SH3TC2: variants seen among roughly 807,000 people sequenced by gnomAD.
SH3TC2 encodes the protein SH3 domain and tetratricopeptide repeat-containing protein 2.
In SH3TC2, 87 loss-of-function variants were observed where a neutral mutation model predicts 124.5. That is an observed-to-expected ratio of 0.70 (90% confidence interval 0.59 to 0.84). The LOEUF (loss-of-function observed/expected upper bound fraction) is 0.84, where lower values mean the gene tolerates loss of function less well. Among genes scored for constraint, SH3TC2 ranks in the 40% least tolerant of loss-of-function variants. The probability of loss-of-function intolerance (pLI) is 0.00; values close to 1 mark genes in which losing one functional copy is unlikely to be tolerated. For synonymous variants in SH3TC2, 634 were observed against 628.5 expected, an observed-to-expected ratio of 1.01 and a Z score of -0.13; for missense variants, 1,536 against 1,566.4, an observed-to-expected ratio of 0.98 and a Z score of 0.33.
intron 9 of SH3TC2, among the ~76,000 whole-genome samples, chr5:149,030,365 C>T (rs2127398275): frequency 6.6e-6 from 1 of 152,370 alleles, no homozygotes; most frequent in South Asian, 2.1e-4. Context: ...CGCAGAGCTG[C>T]ACTCCTGATC....
At position 148,991,264 on chromosome 5, in the gene SH3TC2, T is replaced by C. The variant is rs1173620145; in HGVS notation, c.*13447A>G. On this transcript the variant is annotated 3_prime_UTR_variant, in exon 17 of 17. Transcript: ENST00000515425. ...TGTGAGAGTGAATATACTGCAAGAA[T>C]GTACTTCCTGCAGCTGAAACCAGCA... Among the ~76,000 whole-genome samples, 4 of 152,228 alleles carry C rather than the reference T, an allele frequency of 2.6e-5. No individual in the cohort carries two copies. The highest frequency in any genetic ancestry group is 5.9e-5 in the Non-Finnish European group (4 of 68,034).
At chr5:149,016,691 C>G (rs573077035) in intron 12 of SH3TC2, among the ~76,000 whole-genome samples, 1 of 152,014 alleles carries the variant, frequency 6.6e-6, no homozygotes, top group Non-Finnish European at 1.5e-5. Flanking sequence ...TTTGGAAGGC[C>G]GAGGCGGGCG....
chr5:149,015,551 T>C (rs1366400089), intron 12 of SH3TC2, among the ~76,000 whole-genome samples: 1 of 152,228 alleles, frequency 6.6e-6, no homozygotes, highest in Non-Finnish European at 1.5e-5. Context: ...TCCGGCATGT[T>C]ATCTCCTGTC....
In SH3TC2 at chr5:148,996,478, T is replaced by A. The variant is rs1005917959; in HGVS notation, c.*8233A>T. ...ACTACAGCCCCAAAGCTACATGTTC[T>A]AGAACAGACAAAAGTTAGTTTTGTT... On this transcript the variant is annotated 3_prime_UTR_variant, in exon 17 of 17. Coordinates refer to ENST00000515425, the MANE Select transcript of SH3TC2 (RefSeq NM_024577.4). Among the ~76,000 whole-genome samples the A allele has an allele frequency of 3.3e-5, 5 of 152,228 alleles. No homozygotes were observed. The highest frequency in any genetic ancestry group is 1.2e-4 in the African/African-American group (5 of 41,464).
Position 149,042,784 on chromosome 5 carries a change from T to C in SH3TC2, c.439A>G (p.Asn147Asp), listed in dbSNP as rs1423301895. The C allele has an allele frequency of 6.2e-7, 1 of 1,614,182 alleles. No homozygotes were observed. Among genetic ancestry groups the C allele is most frequent in the Admixed American group, 1.7e-5 (1 of 60,026 alleles). ...TCTGTATCCTCCACCAATATGCAGT[T>C]GAGCCAGTACTTGTGGTCAAAGAGG... is the stretch of plus-strand genomic sequence containing the variant. ...HLLFDHKYWL[N>D]CILVEDTEIQ... The change falls in exon 5 of 17, where the codon AAC becomes GAC. Residue 147 changes from asparagine to aspartate, a missense_variant. Physicochemically the swap from Asn to Asp is conservative, Grantham distance 23. Transcript: ENST00000515425.
In SH3TC2 at chr5:149,027,837, T is replaced by C; in HGVS notation, c.1895A>G (p.Glu632Gly). ...GATGGCCAGAAAGCAGGCCCTGGCC[T>C]CCAGCGGGCTGCTGCCCACCACAAT... ...QGIVVGSSPL[E>G]ARACFLAIRL... Residue 632 changes from glutamate to glycine, a missense_variant, in exon 11 of 17, where the codon GAG (glutamate) becomes GGG (glycine). Glu to Gly is a moderately conservative substitution (Grantham distance 98). Coordinates refer to ENST00000515425, the MANE Select transcript of SH3TC2 (RefSeq NM_024577.4). The C allele has an allele frequency of 6.2e-7, 1 of 1,613,844 alleles. No individual in the cohort carries two copies. The highest frequency in any genetic ancestry group is 8.5e-7 in the Non-Finnish European group (1 of 1,180,028).
At position 148,987,809 on chromosome 5, in the gene SH3TC2, C is replaced by CTGTGTGTGTGTGTGTGTGTG. The variant is rs71957589; in HGVS notation, c.*16882_*16901dup. On this transcript the variant is annotated 3_prime_UTR_variant, in exon 17 of 17. Transcript: ENST00000515425. ...CCTCACTCGAGGCCTCATTCAAAATCTGTGTGTGTGTGTGTGTGTGTGTGT... is the reference window on the plus strand; with the variant it reads ...CCTCACTCGAGGCCTCATTCAAAATCTGTGTGTGTGTGTGTGTGTGTGTGTGTGTGTGTGTGTGTGTGTGT... Among the ~76,000 whole-genome samples, 2 of 135,320 alleles carry CTGTGTGTGTGTGTGTGTGTG rather than the reference C, an allele frequency of 1.5e-5. No homozygotes were observed. The allele number at this position is 135,320 out of a possible 152,430, so 88.8% of individuals were successfully genotyped here. A position where few individuals can be genotyped will look rare whatever the true frequency, so the allele number is the denominator to read the frequency against.
At position 149,052,244 on chromosome 5, in the gene SH3TC2, GAGA is replaced by G; in HGVS notation, c.53-7_53-5del. The stretch of plus-strand genomic sequence containing the variant: ...TCCTTGGAAGGAGTTTCTTTACCTG[GAGA>G]AGATGAAATAAAAGGTCATCTTAAG... On this transcript the variant is annotated splice_region_variant and splice_polypyrimidine_tract_variant and intron_variant, in intron 1 of 16. Coordinates refer to ENST00000515425, the MANE Select transcript of SH3TC2 (RefSeq NM_024577.4). 1.3e-6 allele frequency: 2 copies of G among 1,595,668 alleles called. No individual in the cohort carries two copies. The highest frequency in any genetic ancestry group is 1.7e-6 in the Non-Finnish European group (2 of 1,163,366).
rs192517615 is a variant in SH3TC2, at chr5:149,032,631, G to A, written c.1002-944C>T. 1.1e-4 allele frequency among the ~76,000 whole-genome samples: 16 copies of A among 152,268 alleles called. No homozygotes were observed. The East Asian group carries it at 2.7e-3, about 26-fold the overall frequency. ...TCCACACATTTGCCATACAAGGCAC[G>A]TACTACTCTTATCCTTTTTACAGAC... On this transcript the variant is annotated intron_variant, in intron 8 of 16. Coordinates refer to ENST00000515425, the MANE Select transcript of SH3TC2 (RefSeq NM_024577.4).
At chr5:149,016,428 T>G (rs369770418) in intron 12 of SH3TC2, among the ~76,000 whole-genome samples, 1 of 139,786 alleles carries the variant, frequency 7.2e-6, no homozygotes, top group Non-Finnish European at 1.5e-5. Context: ...TGAACAAAGT[T>G]TTCTCATGTG....
chr5:149,030,032 G>A (rs756851518), intron 9 of SH3TC2, among the ~76,000 whole-genome samples: 1 of 152,146 alleles, frequency 6.6e-6, no homozygotes, highest in Non-Finnish European at 1.5e-5. Flanking sequence ...CTCCAGATCT[G>A]TAACCCCCAG....
Position 149,004,434 on chromosome 5 carries a change from G to T in SH3TC2, c.*277C>A. 2.2e-6 allele frequency: 1 copy of T among 462,526 alleles called. No homozygotes were observed. The highest frequency in any genetic ancestry group is 3.9e-6 in the Non-Finnish European group (1 of 256,606). 28.7% of individuals were successfully genotyped at this position (462,526 alleles called of 1,614,324 possible). The stretch of plus-strand genomic sequence containing the variant: ...CATCTTCTCCAGAATTATGTATGGA[G>T]AAAGTGCTTTTCAGAGGCTGTTTGT... On this transcript the variant is annotated 3_prime_UTR_variant, in exon 17 of 17. Transcript: ENST00000515425.
At chr5:149,013,986 G>A (rs1036455685) in intron 12 of SH3TC2, among the ~76,000 whole-genome samples, 1 of 152,172 alleles carries the variant, frequency 6.6e-6, no homozygotes, top group African/African-American at 2.4e-5. Flanking sequence ...AGCTTGGCTT[G>A]AGACTTGCTG....
chr5:149,054,482 C>A (rs1035541990), intron 1 of SH3TC2, among the ~76,000 whole-genome samples: 3 of 152,192 alleles, frequency 2.0e-5, no homozygotes, highest in Non-Finnish European at 2.9e-5. Context: ...GCTCCCAGGA[C>A]CACACTTGGA....
rs367649953 is a variant in SH3TC2 at position 149,008,912 on chromosome 5, G to A, written c.3417C>T (p.Leu1139=). ...ATTCCAAAGCCTTCTCATAGCCTTC[G>A]AGGCTAATCTGCAGCTCTGTCAGCT... The part of the protein sequence containing the change: ...FNKLTELQIS[L]EGYEKALEFA... The change falls in exon 15 of 17, where the codon CTC becomes CTT. Residue 1139 remains leucine, a synonymous_variant. Coordinates refer to ENST00000515425, the MANE Select transcript of SH3TC2 (RefSeq NM_024577.4). The A allele has an allele frequency of 8.1e-6, 13 of 1,614,048 alleles. No individual in the cohort carries two copies. The highest frequency in any genetic ancestry group is 1.1e-5 in the South Asian group (1 of 91,084).
intron 6 of SH3TC2, among the ~76,000 whole-genome samples, 162 bp downstream of exon 6, chr5:149,041,254 T>C (rs1754366843): frequency 6.6e-6 from 1 of 152,178 alleles, no homozygotes; most frequent in Non-Finnish European, 1.5e-5. Flanking sequence ...AAATTCTTGG[T>C]TGTTAAAAAA....
rs772823083 is a variant in SH3TC2, at chr5:149,004,910, C to T, written c.3676-8G>A. On this transcript the variant is annotated splice_region_variant and splice_polypyrimidine_tract_variant and intron_variant, in intron 16 of 16. Transcript: ENST00000515425. ...AGTGGCATCATGGGCATCCTAACCCCGTGGTATGGGGGCAAAGAAGAGACA... is the reference window on the plus strand; with the variant it reads ...AGTGGCATCATGGGCATCCTAACCCTGTGGTATGGGGGCAAAGAAGAGACA... 8.7e-6 allele frequency: 14 copies of T among 1,614,022 alleles called. No individual in the cohort carries two copies. Among genetic ancestry groups the T allele is most frequent in the South Asian group, 6.6e-5 (6 of 91,074 alleles).
rs181854034 is a variant in SH3TC2, at chr5:148,994,753, T to C, written c.*9958A>G. Among the ~76,000 whole-genome samples the C allele has an allele frequency of 6.0e-4, 91 of 151,720 alleles. No homozygotes were observed. The highest frequency in any genetic ancestry group is 3.4e-3 in the Middle Eastern group (1 of 294). ...ATGGATGGATGAATAGATGGATGAA[T>C]AGATGGATGAATAGATGGATAACCG... On this transcript the variant is annotated 3_prime_UTR_variant, in exon 17 of 17. Transcript: ENST00000515425.
Position 149,007,028 on chromosome 5 carries a change from G to A in SH3TC2, c.3528C>T (p.Tyr1176=). 6.2e-7 allele frequency: 1 copy of A among 1,614,228 alleles called. No homozygotes were observed. Among genetic ancestry groups the A allele is most frequent in the South Asian group, 1.1e-5 (1 of 91,084 alleles). The stretch of plus-strand genomic sequence containing the variant: ...CCATCTCATACATGTGCAGGGAGTA[G>A]TACACTGTAGCCAGGCGGTGAAAGG... The part of the protein sequence containing the change: ...LVAFHRLATV[Y]YSLHMYEMAE... The change falls in exon 16 of 17, where the codon TAC becomes TAT. Residue 1176 remains tyrosine (Y), a synonymous_variant. Transcript: ENST00000515425.
Sources: gnomAD v4.1 joint callset for allele counts (sites outside exome capture counted in the v4.1 genomes callset) on GRCh38, gnomAD v4.1.1 for gene constraint, MANE v1.5 for transcripts, NCBI Gene and HGNC (gene_info 2026-07-23, HGNC 2026-07-21) for gene names.